GXYLT1: variants seen among roughly 807,000 people sequenced by gnomAD.
GXYLT1 encodes the protein glucoside xylosyltransferase 1.
GXYLT1 carries 29 observed loss-of-function variants against 54.0 expected under a neutral mutation model. The observed-to-expected ratio is 0.54, with a 90% CI of 0.40 to 0.73. The LOEUF is 0.73. GXYLT1 is among the 30% of genes least tolerant of loss of function. The probability of loss-of-function intolerance (pLI) is 0.00; values close to 1 mark genes in which losing one functional copy is unlikely to be tolerated. For synonymous variants in GXYLT1, 176 were observed against 204.1 expected (o/e 0.86, Z 1.17); for missense variants, 490 against 553.4 (o/e 0.89, Z 1.15).
At chr12:42,144,209 G>A (rs1357421246) in intron 1 of GXYLT1, among the ~76,000 whole-genome samples, 1 of 152,228 alleles carries the variant, frequency 6.6e-6, no homozygotes, top group Non-Finnish European at 1.5e-5. Flanking sequence ...GCATGACTGG[G>A]TCAAAAGATA....
chr12:42,100,111 A>C (rs996536250), intron 5 of GXYLT1, among the ~76,000 whole-genome samples: 1 of 152,186 alleles, frequency 6.6e-6, no homozygotes, highest in African/African-American at 2.4e-5. Flanking sequence ...TAAATACTTA[A>C]GGGAGCAAGA....
chr12:42,114,319 C>G (rs2065478745), intron 3 of GXYLT1, among the ~76,000 whole-genome samples: 2 of 152,006 alleles, frequency 1.3e-5, no homozygotes, highest in African/African-American at 4.8e-5. Flanking sequence ...AAAAACACGT[C>G]AAAAGATTAA....
At chr12:42,141,147 A>G (rs908392298) in intron 1 of GXYLT1, among the ~76,000 whole-genome samples, 1 of 152,186 alleles carries the variant, frequency 6.6e-6, no homozygotes, top group African/African-American at 2.4e-5. Flanking sequence ...AGAGTTCCCC[A>G]TCCCAAGTAA....
intron 7 of GXYLT1, among the ~76,000 whole-genome samples, chr12:42,095,034 T>C (rs1416451339): frequency 6.6e-6 from 1 of 152,148 alleles, no homozygotes; most frequent in Admixed American, 6.5e-5. Context: ...TAAAAATATT[T>C]CATAAATATA....
At chr12:42,133,410 G>T (rs766600992) in intron 1 of GXYLT1, among the ~76,000 whole-genome samples, 13 of 152,102 alleles carry the variant, frequency 8.5e-5, no homozygotes, top group Non-Finnish European at 1.6e-4. Flanking sequence ...CTTCCCTTAA[G>T]AGCTCCACAT....
intron 2 of GXYLT1, among the ~76,000 whole-genome samples, chr12:42,120,298 T>C (rs902936382): frequency 1.3e-5 from 2 of 152,140 alleles, no homozygotes; most frequent in African/African-American, 4.8e-5. Context: ...AGAAAAAATG[T>C]CCTTCACATT....
chr12:42,123,930 A>G (rs2065545841), intron 2 of GXYLT1, among the ~76,000 whole-genome samples: 2 of 151,630 alleles, frequency 1.3e-5, no homozygotes, highest in African/African-American at 4.8e-5. Flanking sequence ...GTTCCCAGCA[A>G]CACATAATGG....
intron 7 of GXYLT1, 126 bp downstream of exon 7, chr12:42,097,316 G>A: frequency 3.4e-6 from 2 of 595,878 alleles, no homozygotes; most frequent in South Asian, 4.6e-5. Flanking sequence ...AGCAAATAAG[G>A]CAAAATGTTA....
At chr12:42,140,981 A>G (rs1407951234) in intron 1 of GXYLT1, among the ~76,000 whole-genome samples, 1 of 152,214 alleles carries the variant, frequency 6.6e-6, no homozygotes, top group Admixed American at 6.5e-5. Context: ...ACACCTTAAT[A>G]CAGTCTGTCC....
chr12:42,088,398 C>A (rs2065309993), intron 7 of GXYLT1, among the ~76,000 whole-genome samples: 1 of 152,080 alleles, frequency 6.6e-6, no homozygotes, highest in African/African-American at 2.4e-5. Flanking sequence ...AAGATGATAA[C>A]ATAGTTCAGC....
At chr12:42,119,413 G>A (rs1466320235) in intron 2 of GXYLT1, among the ~76,000 whole-genome samples, 1 of 150,028 alleles carries the variant, frequency 6.7e-6, no homozygotes, top group East Asian at 1.9e-4. Context: ...GAAAGACAGA[G>A]AAGAAAGAAA....
rs1430172266 is a variant in GXYLT1, at chr12:42,083,880, T to TA, written c.*3905dup. 1 of 152,172 alleles carries TA rather than the reference T, an allele frequency of 6.6e-6. No individual in the cohort carries two copies. Among genetic ancestry groups the TA allele is most frequent in the Non-Finnish European group, 1.5e-5 (1 of 68,056 alleles). The allele number at this position is 152,172 out of a possible 1,614,324, so 9.4% of individuals were successfully genotyped here. Reference sequence around the variant, plus strand: ...CAACCTCCACTGGGGAATATGTAGTTAGTCTTGCAGTCTAACACTTGGGAT... The same window carrying TA: ...CAACCTCCACTGGGGAATATGTAGTTAAGTCTTGCAGTCTAACACTTGGGAT... On this transcript the variant is annotated 3_prime_UTR_variant, in exon 8 of 8. Coordinates refer to ENST00000398675, the MANE Select transcript of GXYLT1 (RefSeq NM_173601.2).
chr12:42,138,546 G>GGA (rs1555143318), intron 1 of GXYLT1, among the ~76,000 whole-genome samples: 3 of 152,002 alleles, frequency 2.0e-5, no homozygotes, highest in South Asian at 2.1e-4. Context: ...AAAGGGAGGG[G>GGA]AAAAAAACTG....
At chr12:42,090,260 C>G (rs1217119181) in intron 7 of GXYLT1, among the ~76,000 whole-genome samples, 1 of 152,200 alleles carries the variant, frequency 6.6e-6, no homozygotes, top group Non-Finnish European at 1.5e-5. Flanking sequence ...ATAAACATAG[C>G]CTAAAGACAC....
rs1441128082 is a variant in GXYLT1, at chr12:42,097,931, T to C, written c.967A>G (p.Ile323Val). 1 of 1,595,836 alleles carries C rather than the reference T, an allele frequency of 6.3e-7. No individual in the cohort carries two copies. Among genetic ancestry groups the C allele is most frequent in the Non-Finnish European group, 8.6e-7 (1 of 1,168,196 alleles). ...ITWGDQDLLN[I>V]VFFHNPESLF... is the part of the protein sequence containing the mutation. ...TTACCTGGATTATGAAAAAACACGA[T>C]ATTCAATAGATCTTGATCACCCCAT... Residue 323 changes from isoleucine to valine, a missense_variant, in exon 6 of 8, where the codon ATC (isoleucine) becomes GTC (valine). This residue lies in a region of GXYLT1 where 342 missense variants were observed against 342.6 expected (regional missense o/e 1.00). Transcript: ENST00000398675.
intron 3 of GXYLT1, among the ~76,000 whole-genome samples, chr12:42,112,020 C>A (rs1313007537): frequency 6.6e-6 from 1 of 152,206 alleles, no homozygotes; most frequent in African/African-American, 2.4e-5. Context: ...GATACCCAGG[C>A]AAACAGGGTC....
At chr12:42,110,386 T>C (rs2065445918) in intron 3 of GXYLT1, among the ~76,000 whole-genome samples, 1 of 152,138 alleles carries the variant, frequency 6.6e-6, no homozygotes, top group Non-Finnish European at 1.5e-5. Context: ...AGAAACAATC[T>C]ATGGGGGGGA....
intron 2 of GXYLT1, among the ~76,000 whole-genome samples, chr12:42,121,458 C>A (rs969863820): frequency 2.6e-5 from 4 of 151,990 alleles, no homozygotes; most frequent in African/African-American, 9.7e-5. Flanking sequence ...ACAGCGAGAC[C>A]CAGTATCCAC....
Position 42,105,927 on chromosome 12 carries a change from C to A in GXYLT1, c.755G>T (p.Arg252Leu), listed in dbSNP as rs747398600. ...AGCAAAGCGATTATACCATCCTATT[C>A]GAGGTTCCTCATGTTCTGGTGCCAT... Reference protein sequence around the residue: ...AAMAPEHEEPRIGWYNRFARH... With the variant: ...AAMAPEHEEPLIGWYNRFARH... Residue 252 changes from arginine (R) to leucine (L), a missense_variant, in exon 5 of 8, where the codon CGA (arginine) becomes CTA (leucine). Physicochemically the swap from Arg to Leu is moderately radical, Grantham distance 102 (BLOSUM62 -2). This residue lies in a region of GXYLT1 where 342 missense variants were observed against 342.6 expected (regional missense o/e 1.00). Coordinates refer to ENST00000398675, the MANE Select transcript of GXYLT1 (RefSeq NM_173601.2). 3.7e-6 allele frequency: 6 copies of A among 1,614,054 alleles called. No homozygotes were observed. Among genetic ancestry groups the A allele is most frequent in the Non-Finnish European group, 5.1e-6 (6 of 1,179,950 alleles).
Sources: allele counts gnomAD v4.1 joint callset (sites outside exome capture counted in the v4.1 genomes callset), GRCh38; gene constraint gnomAD v4.1.1; regional missense constraint gnomAD v4.1.1; transcripts MANE v1.5; gene names NCBI Gene and HGNC (gene_info 2026-07-23, HGNC 2026-07-21).